Variants in POLK observed in about 807,000 individuals in gnomAD.
The protein encoded by POLK is DNA polymerase kappa.
Under a neutral mutation model 94.0 loss-of-function variants are expected in POLK, and 76 were observed. The observed-to-expected ratio is 0.81, with a 90% CI of 0.67 to 0.98. The LOEUF is 0.98. POLK is among the 50% of genes least tolerant of loss of function. POLK has a pLI of 0.00. For synonymous variants in POLK, 349 were observed against 325.4 expected, an observed-to-expected ratio of 1.07 and a Z score of -0.78; for missense variants, 954 against 1,010.1, an observed-to-expected ratio of 0.94 and a Z score of 0.75.
intron 1 of POLK, among the ~76,000 whole-genome samples, chr5:75,543,777 A>C (rs751577204): frequency 1.1e-4 from 17 of 152,186 alleles, no homozygotes; most frequent in Non-Finnish European, 1.9e-4. Context: ...GATTGCCCAT[A>C]GCCCAATTCT....
chr5:75,527,495 TTA>T lies in POLK; in HGVS notation c.-14+15588_-14+15589del, dbSNP rs1417486588. Among the ~76,000 whole-genome samples, 337 of 115,194 alleles carry T rather than the reference TTA, an allele frequency of 2.9e-3. 3 individuals are homozygous for T. The highest frequency in any genetic ancestry group is 8.8e-3 in the Middle Eastern group (2 of 226). 75.6% of individuals were successfully genotyped at this position (115,194 alleles called of 152,430 possible). ...ACCCTGTCTCAAAAAAAAAAAAAAT[TTA>T]TATATACACACACACACACACACAC... On this transcript the variant is annotated intron_variant, in intron 1 of 14. Transcript: ENST00000241436.
chr5:75,519,313 C>T (rs886812037), intron 1 of POLK, among the ~76,000 whole-genome samples: 6 of 152,192 alleles, frequency 3.9e-5, no homozygotes, highest in African/African-American at 1.4e-4. Flanking sequence ...AAGATGTGGT[C>T]TGTTCTGGAG....
exon 1 of POLK, chr5:75,511,827 G>GA (rs1561319584): frequency 1.3e-6 from 2 of 1,550,962 alleles, no homozygotes; most frequent in South Asian, 2.4e-5. Flanking sequence ...GCGGGGTAGG[G>GA]ATGCAGCTGT....
At chr5:75,511,747 C>A (rs1393170550), upstream of POLK, 1 of 1,550,960 alleles carries the variant, frequency 6.4e-7, no homozygotes, top group Admixed American at 2.0e-5. Flanking sequence ...GGATCCTCCT[C>A]CCGAACCCTA....
rs572120408 is a variant in POLK, at chr5:75,590,494, G to C, written c.1356+54G>C. 3.8e-5 allele frequency: 37 copies of C among 967,270 alleles called. No homozygotes were observed. In the East Asian group the frequency reaches 8.3e-4, roughly 22 times the overall value. 59.9% of individuals were successfully genotyped at this position (967,270 alleles called of 1,614,324 possible). ...TTTTTAAGTTTTTTAATAGTAAAAT[G>C]CTACCTTAAAAGCTAGAGTTAGATT... On this transcript the variant is annotated intron_variant, in intron 11 of 14. Coordinates refer to ENST00000241436, the Ensembl canonical transcript of POLK.
chr5:75,596,824 T>C, exon 13 of POLK: 1 of 1,611,826 alleles, frequency 6.2e-7, no homozygotes, highest in Non-Finnish European at 8.5e-7. Context: ...AGATAACTCA[T>C]CTAAAGCAGA....
chr5:75,598,135 C>T, exon 15 of POLK: 1 of 480,180 alleles, frequency 2.1e-6, no homozygotes, highest in Non-Finnish European at 3.7e-6. Flanking sequence ...TGCAATAATC[C>T]TTCCTCAGAT....
intron 12 of POLK, among the ~76,000 whole-genome samples, chr5:75,594,814 T>C (rs183992975): frequency 7.9e-5 from 12 of 152,356 alleles, no homozygotes; most frequent in Non-Finnish European, 1.6e-4. Context: ...TAACAAGCCA[T>C]GTTTCCAAAG....
chr5:75,597,881 T>C, intron 14 of POLK, 53 bp from the exon 15 acceptor site: 1 of 1,180,906 alleles, frequency 8.5e-7, no homozygotes, highest in Non-Finnish European at 1.2e-6. Flanking sequence ...AAAAATGAAT[T>C]ATTTTCTAGA....
intron 4 of POLK, among the ~76,000 whole-genome samples, chr5:75,569,839 T>C (rs1024525862): frequency 6.6e-6 from 1 of 152,136 alleles, no homozygotes; most frequent in Non-Finnish European, 1.5e-5. Flanking sequence ...TAGATTCTCA[T>C]AGGAGTGCAA....
chr5:75,577,200 A>G (rs1313259528), intron 6 of POLK, among the ~76,000 whole-genome samples: 1 of 152,202 alleles, frequency 6.6e-6, no homozygotes, highest in Non-Finnish European at 1.5e-5. Context: ...ATTTTATAGC[A>G]GTTATTTTCC....
chr5:75,543,819 G>GTTTT (rs1272699094), intron 1 of POLK, among the ~76,000 whole-genome samples: 2 of 151,978 alleles, frequency 1.3e-5, no homozygotes, highest in Non-Finnish European at 2.9e-5. Context: ...AACTCTTAGA[G>GTTTT]TTTTTTGTTT....
chr5:75,522,098 C>T (rs1768614858), intron 1 of POLK, among the ~76,000 whole-genome samples: 1 of 152,206 alleles, frequency 6.6e-6, no homozygotes, highest in Non-Finnish European at 1.5e-5. Flanking sequence ...GGCTGTTTCT[C>T]CCTTTGTGTA....
At position 75,546,997 on chromosome 5, in the gene POLK, T is replaced by G. The variant is rs1264576228; in HGVS notation, c.-13-13T>G. 2.8e-6 allele frequency: 4 copies of G among 1,406,334 alleles called. No individual in the cohort carries two copies. The African/African-American group carries it at 5.8e-5, about 20-fold the overall frequency. 87.1% of individuals were successfully genotyped at this position (1,406,334 alleles called of 1,614,324 possible). On this transcript the variant is annotated splice_polypyrimidine_tract_variant and intron_variant, in intron 1 of 14. Transcript: ENST00000241436. Reference sequence around the variant, plus strand: ...TGGTTTTAAAAGCAGTGTTTATCTTTATGCTTTTTCAGATAAGTTTATACC... The same window carrying G: ...TGGTTTTAAAAGCAGTGTTTATCTTGATGCTTTTTCAGATAAGTTTATACC...
chr5:75,522,104 GTGT>G (rs1768615515), intron 1 of POLK, among the ~76,000 whole-genome samples: 1 of 152,216 alleles, frequency 6.6e-6, no homozygotes, highest in Non-Finnish European at 1.5e-5. Flanking sequence ...TTCTCCCTTT[GTGT>G]ACTCATGATG....
intron 1 of POLK, among the ~76,000 whole-genome samples, chr5:75,529,106 A>G (rs749634725): frequency 6.6e-6 from 1 of 152,160 alleles, no homozygotes; most frequent in Non-Finnish European, 1.5e-5. Context: ...AGACTGGGTA[A>G]TTTATAAAGA....
chr5:75,537,361 G>A (rs887811997), intron 1 of POLK, among the ~76,000 whole-genome samples: 23 of 152,188 alleles, frequency 1.5e-4, no homozygotes, highest in Non-Finnish European at 2.5e-4. Context: ...CCCCCTGGGG[G>A]CTCTCACTCA....
chr5:75,579,034 C>T (rs1772060830), intron 6 of POLK, among the ~76,000 whole-genome samples: 1 of 152,150 alleles, frequency 6.6e-6, no homozygotes, highest in Non-Finnish European at 1.5e-5. Context: ...AGTTACACAG[C>T]CAGGCCTCAC....
chr5:75,548,431 AT>A (rs1391356138), intron 2 of POLK, among the ~76,000 whole-genome samples: 1 of 150,646 alleles, frequency 6.6e-6, no homozygotes, highest in African/African-American at 2.4e-5. Flanking sequence ...GAATTCTTTA[AT>A]TTTTTTACCA....
Sources: allele counts gnomAD v4.1 joint callset (sites outside exome capture counted in the v4.1 genomes callset), GRCh38; gene constraint gnomAD v4.1.1; transcripts MANE v1.5; gene names NCBI Gene and HGNC (gene_info 2026-07-23, HGNC 2026-07-21).